SIPA1L2: variants seen among roughly 807,000 people sequenced by gnomAD.
SIPA1L2 encodes the protein signal-induced proliferation-associated 1-like protein 2.
A neutral mutation model predicts 163.9 loss-of-function variants in SIPA1L2; 56 were observed. That is an observed-to-expected ratio of 0.34 (90% CI 0.28 to 0.43). The LOEUF (loss-of-function observed/expected upper bound fraction) is 0.43. SIPA1L2 is among the 20% of genes least tolerant of loss of function. The pLI is 1.00. For missense variants in SIPA1L2, 1,974 were observed against 2,193.5 expected, an observed-to-expected ratio of 0.90 and a Z score of 2.00; for synonymous variants, 877 against 865.7, an observed-to-expected ratio of 1.01 and a Z score of -0.23.
At chr1:232,586,474 T>C (rs1179026780) in intron 1 of SIPA1L2, among the ~76,000 whole-genome samples, 2 of 152,090 alleles carry the variant, frequency 1.3e-5, no homozygotes. Context: ...ACCGAACGAC[T>C]CCAACCTGAG....
chr1:232,588,112 A>C (rs1660766200), intron 1 of SIPA1L2, among the ~76,000 whole-genome samples: 2 of 152,164 alleles, frequency 1.3e-5, no homozygotes, highest in South Asian at 4.1e-4. Flanking sequence ...GCACACACAC[A>C]CTATGACTCT....
intron 1 of SIPA1L2, among the ~76,000 whole-genome samples, chr1:232,602,480 G>A (rs766850459): frequency 4.6e-5 from 7 of 152,118 alleles, no homozygotes; most frequent in African/African-American, 7.2e-5. Context: ...ACAGGTGCAC[G>A]CCACCATGCC....
In SIPA1L2 at chr1:232,443,646, T is replaced by C. The variant is rs1255441243; in HGVS notation, c.3393A>G (p.Gly1131=). ...GTCTCCAGGGTCCGCTCCCGCCGGG[T>C]CCAGGGTCGCTGGAGGATGACTGGT... ...PSNQSSSSDP[G]PGGSGPWRPQ... The change falls in exon 12 of 23, where the codon GGA becomes GGG. Residue 1131 remains glycine (G), a synonymous_variant. Transcript: ENST00000674635. 2 of 1,609,458 alleles carry C rather than the reference T, an allele frequency of 1.2e-6. No homozygotes were observed. The highest frequency in any genetic ancestry group is 1.7e-5 in the Admixed American group (1 of 59,306).
At chr1:232,536,075 C>T (rs774589905) in intron 2 of SIPA1L2, among the ~76,000 whole-genome samples, 11 of 152,184 alleles carry the variant, frequency 7.2e-5, no homozygotes, top group Non-Finnish European at 1.3e-4. Flanking sequence ...GCCAAGGAAT[C>T]TGGTGAGAAG....
intron 15 of SIPA1L2, among the ~76,000 whole-genome samples, chr1:232,433,790 A>G (rs934385815): frequency 6.6e-6 from 1 of 152,218 alleles, no homozygotes; most frequent in Non-Finnish European, 1.5e-5. Flanking sequence ...GCGTTCAGAA[A>G]GGCAGGTGGG....
chr1:232,567,997 T>C (rs1573096692), intron 2 of SIPA1L2, among the ~76,000 whole-genome samples: 1 of 152,256 alleles, frequency 6.6e-6, no homozygotes, highest in South Asian at 2.1e-4. Context: ...TGAAGGTTCC[T>C]GGAAGGTGGT....
intron 2 of SIPA1L2, among the ~76,000 whole-genome samples, chr1:232,516,726 T>C (rs192234727): frequency 7.9e-5 from 12 of 152,262 alleles, no homozygotes; most frequent in Admixed American, 7.2e-4. Flanking sequence ...TCAAAGCCAT[T>C]AGGAGTCCAC....
Position 232,444,035 on chromosome 1 carries a change from CTTA to C in SIPA1L2, c.3354-353_3354-351del, listed in dbSNP as rs545427836. 5.8e-4 allele frequency among the ~76,000 whole-genome samples: 89 copies of C among 152,252 alleles called. 1 individual carries two copies. Among genetic ancestry groups the C allele is most frequent in the African/African-American group, 2.1e-3 (87 of 41,548 alleles). On this transcript the variant is annotated intron_variant, in intron 11 of 22. Coordinates refer to ENST00000674635, the MANE Select transcript of SIPA1L2 (RefSeq NM_020808.5). ...CAGAATTATGAAAACATTACTAATTCTTATTATGTGAAATTTAAAACAAGTCAC... is the reference window on the plus strand; with the variant it reads ...CAGAATTATGAAAACATTACTAATTCTTATGTGAAATTTAAAACAAGTCAC...
intron 20 of SIPA1L2, 57 bp downstream of exon 20, chr1:232,404,068 A>G: frequency 1.9e-5 from 31 of 1,591,074 alleles, no homozygotes; most frequent in Non-Finnish European, 2.7e-5. Flanking sequence ...AGACACATGA[A>G]ATATACAGAA....
At chr1:232,540,102 G>A (rs867659898) in intron 2 of SIPA1L2, among the ~76,000 whole-genome samples, 1 of 152,066 alleles carries the variant, frequency 6.6e-6, no homozygotes, top group African/African-American at 2.4e-5. Flanking sequence ...TCAGGAGTTC[G>A]AAACCAGCCT....
intron 7 of SIPA1L2, among the ~76,000 whole-genome samples, chr1:232,477,996 A>T (rs1371645362): frequency 6.6e-6 from 1 of 152,188 alleles, no homozygotes; most frequent in Non-Finnish European, 1.5e-5. Context: ...AACCCCTATC[A>T]GTTTTCTGAG....
At chr1:232,624,964 G>A (rs151143510) in intron 1 of SIPA1L2, among the ~76,000 whole-genome samples, 26 of 152,318 alleles carry the variant, frequency 1.7e-4, no homozygotes, top group African/African-American at 6.3e-4. Context: ...GCCTCCGGAG[G>A]TCACAGATCA....
intron 1 of SIPA1L2, among the ~76,000 whole-genome samples, chr1:232,629,444 G>A (rs1443968512): frequency 6.6e-6 from 1 of 152,208 alleles, no homozygotes; most frequent in Non-Finnish European, 1.5e-5. Context: ...TCTAGAAGGG[G>A]AATTAGCCCC....
chr1:232,475,635 T>C lies in SIPA1L2; in HGVS notation c.2085+3992A>G, dbSNP rs569590334. Among the ~76,000 whole-genome samples the C allele has an allele frequency of 6.6e-5, 10 of 152,360 alleles. No homozygotes were observed. The East Asian group carries it at 1.5e-3, about 23-fold the overall frequency. On this transcript the variant is annotated intron_variant, in intron 7 of 22. Coordinates refer to ENST00000674635, the MANE Select transcript of SIPA1L2 (RefSeq NM_020808.5). ...AAAAGTGAATGTTAGTGAACTGTTC[T>C]CATTTCTGATGGGCAAGAACAGGAT...
chr1:232,415,670 G>T (rs12569188), intron 18 of SIPA1L2, 45 bp from the exon 19 acceptor site: 1 of 1,607,804 alleles, frequency 6.2e-7, no homozygotes, highest in Non-Finnish European at 8.5e-7. Context: ...GTCACAGCAC[G>T]GGCACCAGCC....
chr1:232,398,433 A>G lies in SIPA1L2; in HGVS notation c.*694T>C, dbSNP rs1660145953. The stretch of plus-strand genomic sequence containing the variant: ...ACTGACCACTCGGTGAGCCATTTAC[A>G]AGGCATATGTATCTTTTTTTTGTTT... On this transcript the variant is annotated 3_prime_UTR_variant, in exon 23 of 23. Transcript: ENST00000674635. 6.6e-6 allele frequency: 1 copy of G among 152,624 alleles called. No homozygotes were observed. The highest frequency in any genetic ancestry group is 1.5e-5 in the Non-Finnish European group (1 of 68,026). The allele number at this position is 152,624 out of a possible 1,614,324, so 9.5% of individuals were successfully genotyped here. A position where few individuals can be genotyped will look rare whatever the true frequency, so the allele number is the denominator to read the frequency against.
chr1:232,415,626 C>G lies in SIPA1L2; in HGVS notation c.4631-1G>C, dbSNP rs1558157629. ...GACCCATCGGAGAACCAGAACTCAT[C>G]TAAACAGAAACAAAACCAGAGAGTC... On this transcript the variant is annotated splice_acceptor_variant, in intron 18 of 22. Transcript: ENST00000674635. LOFTEE classifies it high-confidence loss of function. 1 of 1,614,006 alleles carries G rather than the reference C, an allele frequency of 6.2e-7. No individual in the cohort carries two copies. Among genetic ancestry groups the G allele is most frequent in the Non-Finnish European group, 8.5e-7 (1 of 1,179,962 alleles).
chr1:232,532,692 C>G (rs1657039239), intron 2 of SIPA1L2, among the ~76,000 whole-genome samples: 1 of 152,152 alleles, frequency 6.6e-6, no homozygotes, highest in African/African-American at 2.4e-5. Context: ...ACTGAAATGT[C>G]TAGAGAGTCA....
chr1:232,555,677 T>C (rs965430129), intron 2 of SIPA1L2, among the ~76,000 whole-genome samples: 2 of 152,014 alleles, frequency 1.3e-5, no homozygotes. Context: ...CACAGAAAAA[T>C]CAGCAGATTC....
Sources: allele counts gnomAD v4.1 joint callset (sites outside exome capture counted in the v4.1 genomes callset), GRCh38; gene constraint gnomAD v4.1.1; transcripts MANE v1.5; gene names NCBI Gene and HGNC (gene_info 2026-07-23, HGNC 2026-07-21).